The following ADCY5 variants were observed in gnomAD, a reference collection of about 807,000 sequenced individuals.
ADCY5 encodes adenylate cyclase 5, also known as adenylate cyclase type 5.
ADCY5 carries 30 observed loss-of-function variants against 119.7 expected under a neutral mutation model. The observed-to-expected ratio is 0.25, with a 90% CI of 0.19 to 0.34. The LOEUF is 0.34. Ranked by LOEUF, ADCY5 falls within the 10% of genes least tolerant of loss-of-function variation. ADCY5 has a pLI of 1.00. For missense variants in ADCY5, 1,324 were observed against 1,775.2 expected (o/e 0.75, Z 4.57); for synonymous variants, 753 against 762.2 (o/e 0.99, Z 0.20).
chr3:123,419,946 C>G (rs938862066), intron 1 of ADCY5, among the ~76,000 whole-genome samples: 4 of 152,150 alleles, frequency 2.6e-5, no homozygotes, highest in African/African-American at 9.7e-5. Flanking sequence ...CCCCTCCACC[C>G]AGCACAAATG....
chr3:123,404,629 G>C (rs918616203), intron 1 of ADCY5: 3 of 152,290 alleles, frequency 2.0e-5, no homozygotes, highest in African/African-American at 7.2e-5. Flanking sequence ...TGAGTGGGAA[G>C]GCCACTGGGG....
At chr3:123,424,381 G>A (rs1945359098) in intron 1 of ADCY5, among the ~76,000 whole-genome samples, 1 of 152,238 alleles carries the variant, frequency 6.6e-6, no homozygotes. Flanking sequence ...GTTTGGTGGG[G>A]TCAGGCAGAG....
intron 12 of ADCY5, among the ~76,000 whole-genome samples, chr3:123,305,768 G>A (rs577306303): frequency 1.4e-4 from 21 of 152,156 alleles, no homozygotes; most frequent in Non-Finnish European, 3.1e-4. Flanking sequence ...GCATAGGGAG[G>A]GTGTATATCT....
chr3:123,429,921 G>A (rs868614022), intron 1 of ADCY5, among the ~76,000 whole-genome samples: 2 of 152,124 alleles, frequency 1.3e-5, no homozygotes, highest in African/African-American at 2.4e-5. Flanking sequence ...CTGGGGGTGG[G>A]GTGTGGAGAC....
intron 1 of ADCY5, among the ~76,000 whole-genome samples, chr3:123,397,713 T>A (rs1333214642): frequency 1.3e-5 from 2 of 150,902 alleles, no homozygotes; most frequent in Non-Finnish European, 2.9e-5. Flanking sequence ...AGGGAAGATC[T>A]TCTTTGCTAT....
chr3:123,324,537 G>A (rs1010178097), intron 8 of ADCY5, among the ~76,000 whole-genome samples: 4 of 151,804 alleles, frequency 2.6e-5, no homozygotes, highest in East Asian at 1.9e-4. Flanking sequence ...TGGTGCCCCC[G>A]AGCTGAGCAG....
intron 7 of ADCY5, 150 bp downstream of exon 7, chr3:123,327,468 C>T (rs983868546): frequency 1.2e-6 from 1 of 863,682 alleles, no homozygotes; most frequent in South Asian, 1.9e-5. Flanking sequence ...CAAGGCCTAA[C>T]TGCCGGGGTC....
intron 1 of ADCY5, among the ~76,000 whole-genome samples, chr3:123,421,064 T>C (rs1485953935): frequency 2.0e-5 from 3 of 152,194 alleles, no homozygotes; most frequent in East Asian, 1.9e-4. Flanking sequence ...CATCTTAACA[T>C]TGTCATTTGC....
At chr3:123,338,196 A>G (rs1461581980) in intron 3 of ADCY5, among the ~76,000 whole-genome samples, 2 of 152,176 alleles carry the variant, frequency 1.3e-5, no homozygotes, top group African/African-American at 4.8e-5. Flanking sequence ...GGAACCAGGG[A>G]GGGGCAGGTC....
chr3:123,383,517 C>T (rs767294879), intron 1 of ADCY5, among the ~76,000 whole-genome samples: 8 of 152,172 alleles, frequency 5.3e-5, no homozygotes, highest in Non-Finnish European at 7.3e-5. Context: ...AGCCTCAATG[C>T]CACGGTGAGG....
chr3:123,331,070 G>T, intron 4 of ADCY5, 54 bp from the exon 5 acceptor site: 1 of 1,567,410 alleles, frequency 6.4e-7, no homozygotes, highest in South Asian at 1.1e-5. Context: ...AGAAGTGGGA[G>T]GGAAAGAAAC....
chr3:123,428,022 T>C (rs906029950), intron 1 of ADCY5, among the ~76,000 whole-genome samples: 6 of 152,138 alleles, frequency 3.9e-5, no homozygotes, highest in Admixed American at 1.3e-4. Context: ...TTCAAGCAAA[T>C]GGAGGGACAG....
intron 3 of ADCY5, 142 bp from the exon 4 acceptor site, chr3:123,332,817 TG>T: frequency 5.1e-6 from 3 of 589,824 alleles, no homozygotes; most frequent in Non-Finnish European, 9.2e-6. Context: ...TGCAGTGGTG[TG>T]ATCAAGGCTC....
intron 3 of ADCY5, among the ~76,000 whole-genome samples, chr3:123,346,897 T>C (rs1385222561): frequency 6.6e-6 from 1 of 152,168 alleles, no homozygotes; most frequent in East Asian, 1.9e-4. Context: ...CTGTATCGCT[T>C]CGTGTCCCCG....
intron 1 of ADCY5, among the ~76,000 whole-genome samples, chr3:123,373,850 C>A (rs933162847): frequency 6.7e-6 from 1 of 148,910 alleles, no homozygotes; most frequent in Non-Finnish European, 1.5e-5. Context: ...ATTTCTACCA[C>A]AGGGTGATTT....
chr3:123,298,830 C>CTT lies in ADCY5; in HGVS notation c.2900+1288_2900+1289dup, dbSNP rs35856404. On this transcript the variant is annotated intron_variant, in intron 15 of 20. Transcript: ENST00000462833. ...TTTCTCAGGGGACACAAAACTGTCA[C>CTT]TTTTTTTTTTTTTTTTGCACTTCTT... is the stretch of plus-strand genomic sequence containing the variant. 3.8e-4 allele frequency among the ~76,000 whole-genome samples: 39 copies of CTT among 102,522 alleles called. 1 individual carries two copies. The highest frequency in any genetic ancestry group is 1.2e-3 in the African/African-American group (31 of 26,214). 67.3% of individuals were successfully genotyped at this position (102,522 alleles called of 152,430 possible).
chr3:123,348,362 C>T (rs1309085129), intron 2 of ADCY5, among the ~76,000 whole-genome samples: 1 of 152,154 alleles, frequency 6.6e-6, no homozygotes, highest in African/African-American at 2.4e-5. Flanking sequence ...TTATTGAGCA[C>T]CTACCATGTG....
chr3:123,441,940 G>A (rs140418993), intron 1 of ADCY5, among the ~76,000 whole-genome samples: 3 of 143,824 alleles, frequency 2.1e-5, no homozygotes, highest in African/African-American at 7.8e-5. Context: ...TGTAAAGAGA[G>A]ATCTTCCCTG....
At chr3:123,375,755 G>T (rs1559846620) in intron 1 of ADCY5, among the ~76,000 whole-genome samples, 3 of 152,164 alleles carry the variant, frequency 2.0e-5, no homozygotes, top group Non-Finnish European at 4.4e-5. Flanking sequence ...TGCTGGATAG[G>T]GCATTTGTGT....
Sources: allele counts gnomAD v4.1 joint callset (sites outside exome capture counted in the v4.1 genomes callset), GRCh38; gene constraint gnomAD v4.1.1; transcripts MANE v1.5; gene names NCBI Gene and HGNC (gene_info 2026-07-23, HGNC 2026-07-21).